PIK3CD: variants seen among roughly 807,000 people sequenced by gnomAD.
PIK3CD encodes the protein phosphatidylinositol-4,5-bisphosphate 3-kinase catalytic subunit delta, also known as phosphatidylinositol 4,5-bisphosphate 3-kinase catalytic subunit delta isoform.
A neutral mutation model predicts 122.9 loss-of-function variants in PIK3CD; 20 were observed. The ratio of observed to expected loss-of-function variants is 0.16; its 90% CI spans 0.11 to 0.24. The LOEUF is 0.24. Among genes scored for constraint, PIK3CD ranks in the 10% least tolerant of loss-of-function variants. PIK3CD has a pLI of 1.00. For synonymous variants in PIK3CD, 596 were observed against 593.4 expected (o/e 1.00, Z -0.06); for missense variants, 787 against 1,406.3 (o/e 0.56, Z 7.04).
At chr1:9,661,231 G>A (rs12088060) in intron 1 of PIK3CD, among the ~76,000 whole-genome samples, 42,715 of 150,440 alleles carry the variant, frequency 0.28, 6,602 homozygotes, top group East Asian at 0.61. Flanking sequence ...CACCGTGCCC[G>A]GCCACGCCCA....
chr1:9,636,853 T>C, the PIK3CD span, among the ~76,000 whole-genome samples: 1 of 152,172 alleles, frequency 6.6e-6, no homozygotes. Flanking sequence ...AAGTTGGTGA[T>C]CTTGGCAAGT....
At position 9,655,697 on chromosome 1, in the gene PIK3CD, C is replaced by T. The variant is rs914705953; in HGVS notation, c.-138+3895C>T. Among the ~76,000 whole-genome samples, 21 of 120,722 alleles carry T rather than the reference C, an allele frequency of 1.7e-4. 1 individual carries two copies. Among genetic ancestry groups the T allele is most frequent in the Admixed American group, 3.7e-4 (4 of 10,862 alleles). The allele number at this position is 120,722 out of a possible 152,430, so 79.2% of individuals were successfully genotyped here. ...CCTATTACTTTCTTTCTTTTTTCTT[C>T]TTTTTTTTTTTTTTTTTTGAGACGG... is the stretch of plus-strand genomic sequence containing the variant. On this transcript the variant is annotated intron_variant, in intron 1 of 23. Coordinates refer to ENST00000377346, the MANE Select transcript of PIK3CD (RefSeq NM_005026.5).
chr1:9,667,932 T>C (rs1328081450), intron 1 of PIK3CD, among the ~76,000 whole-genome samples: 3 of 145,756 alleles, frequency 2.1e-5, no homozygotes, highest in Non-Finnish European at 3.0e-5. Flanking sequence ...TTTTTTTTTT[T>C]AGTAAAGACA....
intron 1 of PIK3CD, among the ~76,000 whole-genome samples, chr1:9,663,010 A>AGAAATG (rs1243799605): frequency 2.6e-5 from 4 of 151,828 alleles, no homozygotes; most frequent in Non-Finnish European, 5.9e-5. Flanking sequence ...TCTTTATCAA[A>AGAAATG]CTATTGCTCT....
chr1:9,686,326 T>G (rs1645963061), intron 1 of PIK3CD, among the ~76,000 whole-genome samples: 1 of 151,792 alleles, frequency 6.6e-6, no homozygotes, highest in Non-Finnish European at 1.5e-5. Context: ...CCTAAGTAGC[T>G]AGGACTACAG....
At chr1:9,627,584 A>C in the PIK3CD span, among the ~76,000 whole-genome samples, 6 of 152,282 alleles carry the variant, frequency 3.9e-5, no homozygotes, top group Middle Eastern at 0.01. Flanking sequence ...GATGATGATA[A>C]CATGTGTACT....
rs755018248 is a variant in PIK3CD at position 9,723,429 on chromosome 1, C to G, written c.2594+137C>G. 1 of 892,360 alleles carries G rather than the reference C, an allele frequency of 1.1e-6. No individual in the cohort carries two copies. Among genetic ancestry groups the G allele is most frequent in the South Asian group, 1.4e-5 (1 of 73,170 alleles). 55.3% of individuals were successfully genotyped at this position (892,360 alleles called of 1,614,324 possible). A position where few individuals can be genotyped will look rare whatever the true frequency, so the allele number is the denominator to read the frequency against. On this transcript the variant is annotated intron_variant, in intron 20 of 23. Transcript: ENST00000377346. The surrounding 1 kb of genome is among the most constrained non-coding windows in gnomAD (Gnocchi z 4.9). Reference sequence around the variant, plus strand: ...GCTACTTGGCTCAGTTGAGGACCAGCCTGTGTCTGGGTTGGGGTGAGGTAG... The same window carrying G: ...GCTACTTGGCTCAGTTGAGGACCAGGCTGTGTCTGGGTTGGGGTGAGGTAG...
chr1:9,687,632 C>T (rs1278562375), intron 1 of PIK3CD: 1 of 152,066 alleles, frequency 6.6e-6, no homozygotes, highest in African/African-American at 2.4e-5. Flanking sequence ...CGGGCTCCGC[C>T]CTCTCCCGGG....
chr1:9,725,387 C>G (rs1162184942), intron 23 of PIK3CD, among the ~76,000 whole-genome samples: 1 of 151,578 alleles, frequency 6.6e-6, no homozygotes, highest in Admixed American at 6.6e-5. Context: ...AACCCCGTCT[C>G]TACTAAAAAT....
intron 1 of PIK3CD, among the ~76,000 whole-genome samples, chr1:9,674,519 G>T (rs1184511722): frequency 5.3e-5 from 8 of 151,750 alleles, no homozygotes; most frequent in African/African-American, 1.9e-4. Context: ...GTGAAACCTT[G>T]TCTCTACTAA....
At chr1:9,667,151 A>G (rs185870800) in intron 1 of PIK3CD, among the ~76,000 whole-genome samples, 1 of 152,284 alleles carries the variant, frequency 6.6e-6, no homozygotes, top group East Asian at 1.9e-4. Flanking sequence ...GGCATGAGCC[A>G]CTGCGCCCAG....
chr1:9,653,621 C>G lies in PIK3CD; in HGVS notation c.-138+1819C>G, dbSNP rs932140008. 4.9e-5 allele frequency: 21 copies of G among 425,082 alleles called. No homozygotes were observed. The Admixed American group carries it at 6.4e-4, about 13-fold the overall frequency. The allele number at this position is 425,082 out of a possible 1,614,324, so 26.3% of individuals were successfully genotyped here. ...TAACACCCGCTGCTGCTGTTCACACCCCCTCCCCAATTTGATTGATGTGTT... is the reference window on the plus strand; with the variant it reads ...TAACACCCGCTGCTGCTGTTCACACGCCCTCCCCAATTTGATTGATGTGTT... On this transcript the variant is annotated intron_variant, in intron 1 of 23. Transcript: ENST00000377346.
At chr1:9,693,413 A>C (rs919669059) in intron 2 of PIK3CD, among the ~76,000 whole-genome samples, 4 of 149,062 alleles carry the variant, frequency 2.7e-5, no homozygotes, top group Non-Finnish European at 5.9e-5. Context: ...TTTTTTTTTC[A>C]GTAGAGACAT....
At chr1:9,696,362 G>C (rs1287606642) in intron 2 of PIK3CD, among the ~76,000 whole-genome samples, 1 of 152,076 alleles carries the variant, frequency 6.6e-6, no homozygotes, top group Non-Finnish European at 1.5e-5. Flanking sequence ...CAAGGCAGGA[G>C]GATCACTTGA....
chr1:9,648,088 A>G (rs957837204), upstream of PIK3CD, among the ~76,000 whole-genome samples: 10 of 152,216 alleles, frequency 6.6e-5, no homozygotes, highest in African/African-American at 2.4e-4. Context: ...TCTTGTCCCA[A>G]TCAATGGCCT....
intron 1 of PIK3CD, chr1:9,653,736 C>A: frequency 8.2e-7 from 1 of 1,212,824 alleles, no homozygotes; most frequent in Non-Finnish European, 1.1e-6. Context: ...CTCTCTAGAG[C>A]AGAAATGCCA....
chr1:9,683,037 CTTTT>C (rs773555400), intron 1 of PIK3CD, among the ~76,000 whole-genome samples: 1 of 123,522 alleles, frequency 8.1e-6, no homozygotes, highest in Non-Finnish European at 1.7e-5. Context: ...GGCCCTGGAC[CTTTT>C]TTTTTTTTTT....
chr1:9,658,521 ATT>A (rs1165670404), intron 1 of PIK3CD, among the ~76,000 whole-genome samples: 4 of 91,202 alleles, frequency 4.4e-5, no homozygotes, highest in Admixed American at 1.4e-4. Context: ...TCCCAGCCAC[ATT>A]TTTTTTTTTT....
Position 9,727,781 on chromosome 1 carries a change from C to CT in PIK3CD, c.*735_*736insT, listed in dbSNP as rs1649904210. The CT allele has an allele frequency of 2.5e-5, 5 of 203,482 alleles. No individual in the cohort carries two copies. The highest frequency in any genetic ancestry group is 5.0e-5 in the Non-Finnish European group (5 of 99,600). The allele number at this position is 203,482 out of a possible 1,614,324, so 12.6% of individuals were successfully genotyped here. ...CATGAAGGCAAAAGCAGGTCAGAAGCGAATACTCTGCCATTATCTCAAAAA... is the reference window on the plus strand; with the variant it reads ...CATGAAGGCAAAAGCAGGTCAGAAGCTGAATACTCTGCCATTATCTCAAAAA... On this transcript the variant is annotated 3_prime_UTR_variant, in exon 24 of 24. Coordinates refer to ENST00000377346, the MANE Select transcript of PIK3CD (RefSeq NM_005026.5).
Sources: gnomAD v4.1 joint callset for allele counts (sites outside exome capture counted in the v4.1 genomes callset) on GRCh38, gnomAD v4.1.1 for gene constraint, Gnocchi (gnomAD v3.1) non-coding constraint, MANE v1.5 for transcripts, NCBI Gene and HGNC (gene_info 2026-07-23, HGNC 2026-07-21) for gene names.